Variants in FRMPD4 observed in about 807,000 individuals in gnomAD.
FRMPD4 encodes the protein FERM and PDZ domain-containing protein 4.
In FRMPD4, 22 loss-of-function variants were observed where a neutral mutation model predicts 94.1. The ratio of observed to expected loss-of-function variants is 0.23; its 90% confidence interval spans 0.17 to 0.33. The LOEUF (loss-of-function observed/expected upper bound fraction) is 0.33. FRMPD4 is among the 10% of genes least tolerant of loss of function. The pLI is 1.00. For synonymous variants in FRMPD4, 631 were observed against 548.6 expected, an observed-to-expected ratio of 1.15 and a Z score of -2.10; for missense variants, 1,111 against 1,339.9, an observed-to-expected ratio of 0.83 and a Z score of 2.67.
rs1023574474 is a variant in FRMPD4, at chrX:11,836,113, C to A, written c.-161+13398C>A. ...AGGGAGGGAACATAGGAAACCTGTG[C>A]ATGGATTCCTTCAGACTCGTCCTGA... On this transcript the variant is annotated intron_variant, in intron 1 of 18. Transcript: ENST00000640291. 2.7e-5 allele frequency among the ~76,000 whole-genome samples: 3 copies of A among 110,908 alleles called. No homozygotes were observed. The Admixed American group carries it at 2.9e-4, about 11-fold the overall frequency.
At chrX:12,037,355 T>C (rs1761986630) in intron 3 of FRMPD4, among the ~76,000 whole-genome samples, 1 of 111,709 alleles carries the variant, frequency 9.0e-6, no homozygotes, top group Admixed American at 9.5e-5. Flanking sequence ...ACAGTTAAGA[T>C]ATAGAACATT....
At chrX:12,536,287 A>G (rs1393933853) in intron 2 of FRMPD4, among the ~76,000 whole-genome samples, 1 of 109,742 alleles carries the variant, frequency 9.1e-6, no homozygotes, top group African/African-American at 3.3e-5. Context: ...CTTTATATTC[A>G]GCATTGAGCT....
At chrX:11,838,759 T>G (rs1001795699) in intron 1 of FRMPD4, among the ~76,000 whole-genome samples, 3 of 111,718 alleles carry the variant, frequency 2.7e-5, no homozygotes, top group Non-Finnish European at 3.8e-5. Flanking sequence ...TTGTATCTGG[T>G]TTCTTTTATT....
intron 1 of FRMPD4, among the ~76,000 whole-genome samples, chrX:12,163,445 A>G (rs184246987): frequency 0.016 from 723 of 44,933 alleles, 9 homozygotes; most frequent in African/African-American, 0.056. Flanking sequence ...GATTTTTTTT[A>G]TTCCAATGAC....
At chrX:11,978,236 G>T (rs1248746983) in intron 3 of FRMPD4, among the ~76,000 whole-genome samples, 1 of 103,467 alleles carries the variant, frequency 9.7e-6, no homozygotes, top group African/African-American at 3.6e-5. Context: ...GCAGGAGAAT[G>T]GTGTGAACCC....
chrX:12,233,089 T>A (rs185502813), intron 1 of FRMPD4, among the ~76,000 whole-genome samples: 2 of 112,298 alleles, frequency 1.8e-5, no homozygotes, highest in East Asian at 5.6e-4. Context: ...ACGCTCTTGT[T>A]CCTTGCTCAC....
chrX:12,471,455 C>G (rs946315853), intron 1 of FRMPD4, among the ~76,000 whole-genome samples: 5 of 111,543 alleles, frequency 4.5e-5, no homozygotes, highest in Non-Finnish European at 9.4e-5. Flanking sequence ...GAGTAGAGGT[C>G]AGGGGGATTC....
rs756066491 is a variant in FRMPD4, at chrX:12,531,879, A to G, written c.158+33083A>G. ...TGAAGCTGTCAAATAGGACCTTCTT[A>G]CCACTCCCTCCTGCTTTTCCTCACT... On this transcript the variant is annotated intron_variant, in intron 2 of 16. Coordinates refer to ENST00000675598, the MANE Select transcript of FRMPD4 (RefSeq NM_001368397.1). 1.5e-4 allele frequency among the ~76,000 whole-genome samples: 17 copies of G among 111,674 alleles called. 1 individual carries two copies. The South Asian group carries it at 6.1e-3, about 40-fold the overall frequency.
chrX:12,058,761 G>A (rs765316706), intron 3 of FRMPD4, among the ~76,000 whole-genome samples: 78 of 110,924 alleles, frequency 7.0e-4, no homozygotes, highest in Middle Eastern at 4.7e-3. Context: ...GGGTCATTTT[G>A]CAACCCCCCT....
intron 1 of FRMPD4, among the ~76,000 whole-genome samples, chrX:12,371,514 T>A (rs752916266): frequency 8.9e-6 from 1 of 112,783 alleles, no homozygotes; most frequent in South Asian, 3.7e-4. Context: ...GAAGAGTTTC[T>A]TTTGGTTTCA....
chrX:12,288,026 G>A lies in FRMPD4; in HGVS notation c.41+149014G>A, dbSNP rs760827918. ...TCTGACAAACATGCCCTCCTCTGGCGACATCCAAAGTCAGACAGAAGGGGT... is the reference window on the plus strand; with the variant it reads ...TCTGACAAACATGCCCTCCTCTGGCAACATCCAAAGTCAGACAGAAGGGGT... On this transcript the variant is annotated intron_variant, in intron 1 of 16. Transcript: ENST00000675598. Among the ~76,000 whole-genome samples the A allele has an allele frequency of 2.7e-5, 3 of 111,573 alleles. No homozygotes were observed. In the South Asian group the frequency reaches 1.1e-3, roughly 43 times the overall value.
At chrX:12,440,682 T>C (rs760687711) in intron 1 of FRMPD4, among the ~76,000 whole-genome samples, 1 of 108,412 alleles carries the variant, frequency 9.2e-6, no homozygotes, top group African/African-American at 3.4e-5. Context: ...GGAAAACACA[T>C]AGGGTGTGTG....
chrX:12,470,818 C>T (rs1466500144), intron 1 of FRMPD4, among the ~76,000 whole-genome samples: 2 of 111,707 alleles, frequency 1.8e-5, no homozygotes, highest in African/African-American at 6.5e-5. Context: ...TAGAAGTCTT[C>T]TCCTCAGCAA....
intron 1 of FRMPD4, among the ~76,000 whole-genome samples, chrX:12,330,997 C>G (rs2055362049): frequency 9.0e-6 from 1 of 111,486 alleles, no homozygotes; most frequent in South Asian, 3.7e-4. Context: ...CTTTACAAGC[C>G]ATACAGTTTC....
At chrX:12,222,137 A>G (rs1335317825) in intron 1 of FRMPD4, among the ~76,000 whole-genome samples, 2 of 111,680 alleles carry the variant, frequency 1.8e-5, no homozygotes, top group Non-Finnish European at 3.8e-5. Context: ...GTTCGAGACC[A>G]GTCTTGGCAA....
chrX:12,449,998 G>C (rs1385524906), intron 1 of FRMPD4, among the ~76,000 whole-genome samples: 1 of 106,363 alleles, frequency 9.4e-6, no homozygotes, highest in East Asian at 2.9e-4. Context: ...CAAAAGAAAA[G>C]AAAAAAAAAG....
chrX:12,195,691 CTT>C (rs1215586642), intron 1 of FRMPD4, among the ~76,000 whole-genome samples: 1 of 110,973 alleles, frequency 9.0e-6, no homozygotes, highest in Non-Finnish European at 1.9e-5. Flanking sequence ...GTGTAGGGAA[CTT>C]TTCAGAAGCT....
rs772012976 is a variant in FRMPD4 at position 12,675,323 on chromosome X, T to C, written c.468+415T>C. ...CTGGATATTTTAGCAAAGCCTGCTT[T>C]AAGAATAGATGTTATATGACATATG... On this transcript the variant is annotated intron_variant, in intron 5 of 16. Coordinates refer to ENST00000675598, the MANE Select transcript of FRMPD4 (RefSeq NM_001368397.1). 1.8e-4 allele frequency among the ~76,000 whole-genome samples: 20 copies of C among 110,968 alleles called. 1 individual carries two copies. Among genetic ancestry groups the C allele is most frequent in the African/African-American group, 6.5e-4 (20 of 30,598 alleles).
At chrX:12,453,850 C>G (rs750694571) in intron 1 of FRMPD4, among the ~76,000 whole-genome samples, 89 of 112,027 alleles carry the variant, frequency 7.9e-4, no homozygotes, top group African/African-American at 2.7e-3. Context: ...AACAGTGAAC[C>G]TCTGACTTTT....
Sources: allele counts gnomAD v4.1 joint callset (sites outside exome capture counted in the v4.1 genomes callset), GRCh38; gene constraint gnomAD v4.1.1; transcripts MANE v1.5; gene names NCBI Gene and HGNC (gene_info 2026-07-23, HGNC 2026-07-21).